Variants in PRPF18 observed in about 807,000 individuals in gnomAD.
The protein encoded by PRPF18 is pre-mRNA processing factor 18.
PRPF18 carries 38 observed loss-of-function variants against 46.5 expected under a neutral mutation model. The ratio of observed to expected loss-of-function variants is 0.82; its 90% CI spans 0.63 to 1.07. The LOEUF is 1.07. Among genes scored for constraint, PRPF18 ranks in the 50% least tolerant of loss-of-function variants. PRPF18 has a pLI of 0.00. For missense variants in PRPF18, 263 were observed against 410.0 expected (o/e 0.64, Z 3.10); for synonymous variants, 152 against 146.7 (o/e 1.04, Z -0.26).
At chr10:13,632,419 T>A (rs2080598538), downstream of PRPF18, 1 of 152,192 alleles carries the variant, frequency 6.6e-6, no homozygotes, top group Non-Finnish European at 1.5e-5. Flanking sequence ...TCGTAAGATA[T>A]GACAGCAATC....
intron 4 of PRPF18, among the ~76,000 whole-genome samples, chr10:13,608,328 G>T (rs2080219805): frequency 6.6e-6 from 1 of 152,180 alleles, no homozygotes; most frequent in African/African-American, 2.4e-5. Context: ...CCCTTTCCTG[G>T]CGTCTCAGTT....
chr10:13,646,942 G>T, the PRPF18 span: 1 of 970,610 alleles, frequency 1.0e-6, no homozygotes, highest in Non-Finnish European at 1.2e-6. Flanking sequence ...CTCACACGAG[G>T]GTCCCGGGCT....
intron 8 of PRPF18, among the ~76,000 whole-genome samples, chr10:13,616,043 G>T (rs913927081): frequency 6.6e-6 from 1 of 152,160 alleles, no homozygotes; most frequent in Admixed American, 6.5e-5. Flanking sequence ...TGGGTCTAAA[G>T]GAGACCAAAA....
chr10:13,654,760 A>C, the PRPF18 span: 1 of 530,934 alleles, frequency 1.9e-6, no homozygotes, highest in African/African-American at 1.9e-5. Context: ...ATGCACCTTC[A>C]TTCTGAGTCA....
the PRPF18 span, chr10:13,646,710 GCTCT>G: frequency 6.5e-6 from 1 of 152,748 alleles, no homozygotes; most frequent in Admixed American, 6.5e-5. Context: ...TTGGTGTCTG[GCTCT>G]CTATGGGCAA....
intron 6 of PRPF18, among the ~76,000 whole-genome samples, chr10:13,612,375 C>T (rs1165001038): frequency 6.6e-6 from 1 of 151,852 alleles, no homozygotes; most frequent in South Asian, 2.1e-4. Context: ...TGGATTCAAG[C>T]GATTATCCTG....
chr10:13,620,687 T>G (rs1257012855), intron 9 of PRPF18, among the ~76,000 whole-genome samples: 1 of 152,254 alleles, frequency 6.6e-6, no homozygotes, highest in African/African-American at 2.4e-5. Flanking sequence ...TTGTAATGTC[T>G]GAGATAATTA....
chr10:13,638,693 C>T, the PRPF18 span: 6 of 152,260 alleles, frequency 3.9e-5, no homozygotes, highest in East Asian at 1.9e-4. Context: ...TCTTTTTGAT[C>T]TATTCAGGCC....
downstream of PRPF18, among the ~76,000 whole-genome samples, chr10:13,632,204 G>T (rs550074774): frequency 1.3e-5 from 2 of 152,286 alleles, no homozygotes; most frequent in African/African-American, 4.8e-5. Context: ...AGCCGGGCAT[G>T]GTGGCGGGTG....
intron 1 of PRPF18, chr10:13,591,464 AC>A: frequency 1.6e-6 from 1 of 614,226 alleles, no homozygotes; most frequent in Non-Finnish European, 2.9e-6. Context: ...AATGTAGAAC[AC>A]CAATTTGTGA....
chr10:13,597,566 A>T (rs2080053440), intron 2 of PRPF18, 31 bp downstream of exon 2: 1 of 1,599,448 alleles, frequency 6.3e-7, no homozygotes, highest in Non-Finnish European at 8.5e-7. Flanking sequence ...GTTAAATTGT[A>T]CATTTCTGAG....
intron 9 of PRPF18, among the ~76,000 whole-genome samples, chr10:13,616,841 AGGAAGTAAAAGT>A (rs1564459842): frequency 6.6e-6 from 1 of 152,012 alleles, no homozygotes; most frequent in Non-Finnish European, 1.5e-5. Flanking sequence ...GACGTGTATT[AGGAAGTAAAAGT>A]TGAGCTCATC....
At chr10:13,638,949 G>GCTGA in the PRPF18 span, 1 of 152,092 alleles carries the variant, frequency 6.6e-6, no homozygotes, top group African/African-American at 2.4e-5. Context: ...ATTATATTCT[G>GCTGA]CTGAACTCAG....
downstream of PRPF18, among the ~76,000 whole-genome samples, chr10:13,635,417 G>A (rs1475040521): frequency 6.6e-6 from 1 of 152,214 alleles, no homozygotes; most frequent in Admixed American, 6.5e-5. Context: ...ACCCAGGAAT[G>A]GGATTGTTGG....
the PRPF18 span, among the ~76,000 whole-genome samples, chr10:13,650,197 G>C: frequency 1.3e-5 from 2 of 152,146 alleles, no homozygotes; most frequent in Admixed American, 1.3e-4. Flanking sequence ...TGGGAGGGAG[G>C]AATTTCAAAC....
intron 9 of PRPF18, among the ~76,000 whole-genome samples, chr10:13,627,943 C>G (rs575119417): frequency 1.3e-5 from 2 of 152,330 alleles, no homozygotes; most frequent in East Asian, 3.9e-4. Flanking sequence ...TCTTGCCTGA[C>G]TTTGCCCCTC....
At chr10:13,587,984 C>G (rs565872178) in intron 1 of PRPF18, among the ~76,000 whole-genome samples, 115 of 152,264 alleles carry the variant, frequency 7.6e-4, no homozygotes, top group Non-Finnish European at 1.1e-3. Flanking sequence ...TGTTTTCCCC[C>G]GACTGACCCT....
rs140139294 is a variant in PRPF18 at position 13,587,424 on chromosome 10, G to A, written c.66+272G>A. Among the ~76,000 whole-genome samples, 546 of 152,292 alleles carry A rather than the reference G, an allele frequency of 3.6e-3. 5 individuals carry two copies. The highest frequency in any genetic ancestry group is 0.012 in the African/African-American group (499 of 41,570). On this transcript the variant is annotated intron_variant, in intron 1 of 9. Coordinates refer to ENST00000378572, the MANE Select transcript of PRPF18 (RefSeq NM_003675.4). ...AAGGAAAACACCTGGGTCTGGGGGC[G>A]GGAACCTGAGGCCAATTAACGCCCA...
chr10:13,615,780 C>T (rs917951851), intron 8 of PRPF18, among the ~76,000 whole-genome samples: 5 of 150,298 alleles, frequency 3.3e-5, no homozygotes, highest in African/African-American at 4.9e-5. Flanking sequence ...TGTTCTTTAA[C>T]GGTTCTTGGC....
Sources: allele counts gnomAD v4.1 joint callset (sites outside exome capture counted in the v4.1 genomes callset), GRCh38; gene constraint gnomAD v4.1.1; transcripts MANE v1.5; gene names NCBI Gene and HGNC (gene_info 2026-07-23, HGNC 2026-07-21).